The following EML5 variants were observed in gnomAD, a reference collection of about 807,000 sequenced individuals.
The protein encoded by EML5 is echinoderm microtubule-associated protein-like 5.
Under a neutral mutation model 250.0 loss-of-function variants are expected in EML5, and 120 were observed. That is an observed-to-expected ratio of 0.48 (90% confidence interval 0.41 to 0.56). The LOEUF (loss-of-function observed/expected upper bound fraction) is 0.56, where lower values mean the gene tolerates loss of function less well. EML5 is among the 20% of genes least tolerant of loss of function. EML5 has a pLI of 0.00. For synonymous variants in EML5, 771 were observed against 806.5 expected, an observed-to-expected ratio of 0.96 and a Z score of 0.75; for missense variants, 2,006 against 2,437.6, an observed-to-expected ratio of 0.82 and a Z score of 3.73.
At chr14:88,653,336 A>T (rs566966522) in intron 27 of EML5, among the ~76,000 whole-genome samples, 1 of 152,326 alleles carries the variant, frequency 6.6e-6, no homozygotes, top group South Asian at 2.1e-4. Context: ...CAATATGTTG[A>T]ATCAAAGTAG....
chr14:88,645,946 T>A (rs1050608252), intron 29 of EML5, among the ~76,000 whole-genome samples: 8 of 152,292 alleles, frequency 5.3e-5, no homozygotes, highest in Admixed American at 1.3e-4. Flanking sequence ...TAGAAGCTCT[T>A]CTCTAGAACC....
intron 1 of EML5, among the ~76,000 whole-genome samples, chr14:88,755,093 C>T: frequency 6.6e-6 from 1 of 152,218 alleles, no homozygotes; most frequent in Non-Finnish European, 1.5e-5. Flanking sequence ...TGTGAGCCAC[C>T]ACGCCCAGCA....
chr14:88,759,007 AT>A (rs2094200766), intron 1 of EML5, among the ~76,000 whole-genome samples: 1 of 152,196 alleles, frequency 6.6e-6, no homozygotes, highest in Non-Finnish European at 1.5e-5. Flanking sequence ...GGAGAGGAGA[AT>A]GGATAAGGAC....
At position 88,792,199 on chromosome 14, in the gene EML5, C is replaced by T. The variant is rs2094616831; in HGVS notation, c.197+108G>A. The T allele has an allele frequency of 4.5e-6, 6 of 1,339,312 alleles. No individual in the cohort carries two copies. Among genetic ancestry groups the T allele is most frequent in the East Asian group, 5.5e-5 (2 of 36,618 alleles). 83.0% of individuals were successfully genotyped at this position (1,339,312 alleles called of 1,614,324 possible). On this transcript the variant is annotated intron_variant, in intron 1 of 43. Coordinates refer to ENST00000554922, the MANE Select transcript of EML5 (RefSeq NM_183387.3). The surrounding 1 kb of genome is among the most constrained non-coding windows in gnomAD (Gnocchi z 6.9). Reference sequence around the variant, plus strand: ...CAGAGAGACAGCTGCGGATTCCCCTCGGGGTGATGCTCCGTGCAGGAGCGG... The same window carrying T: ...CAGAGAGACAGCTGCGGATTCCCCTTGGGGTGATGCTCCGTGCAGGAGCGG...
At position 88,625,100 on chromosome 14, in the gene EML5, T is replaced by G. The variant is rs2089716910; in HGVS notation, c.4768A>C (p.Ser1590Arg). The G allele has an allele frequency of 6.2e-7, 1 of 1,613,802 alleles. No individual in the cohort carries two copies. The highest frequency in any genetic ancestry group is 1.1e-5 in the South Asian group (1 of 90,998). Residue 1590 changes from serine to arginine, a missense_variant, in exon 36 of 44, where the codon AGT becomes CGT. Around this residue, in one of 7 missense-constraint regions of EML5, gnomAD observed 405 missense variants for 523.3 expected, o/e 0.77. Transcript: ENST00000554922. The stretch of plus-strand genomic sequence containing the variant: ...TCTTTCCACACACAGACATCACCAC[T>G]GATGGTACCTGTAAACGTCAAGTTA... ...ANNLTFTGTISGDVCVWKDHI... is the reference protein window; with the variant it reads ...ANNLTFTGTIRGDVCVWKDHI...
chr14:88,697,106 TA>T (rs1284992836), intron 14 of EML5, among the ~76,000 whole-genome samples, 154 bp from the exon 15 acceptor site: 1 of 152,254 alleles, frequency 6.6e-6, no homozygotes, highest in Non-Finnish European at 1.5e-5. Context: ...AAGTGACTGA[TA>T]TTTTTTTCTT....
chr14:88,626,622 A>G, intron 35 of EML5: 1 of 578,192 alleles, frequency 1.7e-6, no homozygotes, highest in Non-Finnish European at 3.0e-6. Context: ...GTGTCAAAAA[A>G]AAAAAAAAAT....
At chr14:88,753,140 G>A (rs1462586617) in intron 2 of EML5, among the ~76,000 whole-genome samples, 2 of 152,160 alleles carry the variant, frequency 1.3e-5, no homozygotes, top group Admixed American at 1.3e-4. Context: ...TGGGGCTCCA[G>A]AGGTTGTGGG....
chr14:88,638,774 TTTAAA>T (rs750999757), intron 32 of EML5, 30 bp downstream of exon 32: 24 of 1,484,558 alleles, frequency 1.6e-5, no homozygotes, highest in Non-Finnish European at 1.9e-5. Context: ...AAGCAAATGC[TTTAAA>T]TTGTTTCTTT....
At chr14:88,788,305 A>C (rs2094571363) in intron 1 of EML5, among the ~76,000 whole-genome samples, 1 of 152,208 alleles carries the variant, frequency 6.6e-6, no homozygotes. Flanking sequence ...AACCACTTTT[A>C]CTAAACTACA....
intron 29 of EML5, among the ~76,000 whole-genome samples, chr14:88,645,346 G>A (rs1305320876): frequency 6.6e-6 from 1 of 152,152 alleles, no homozygotes; most frequent in Non-Finnish European, 1.5e-5. Flanking sequence ...TTTCTTTGGT[G>A]TACGTGTCAT....
At chr14:88,714,775 A>G (rs902638639) in intron 9 of EML5, among the ~76,000 whole-genome samples, 164 bp downstream of exon 9, 9 of 152,218 alleles carry the variant, frequency 5.9e-5, no homozygotes, top group African/African-American at 2.2e-4. Context: ...TGTAGAATAC[A>G]ATAATATATT....
intron 34 of EML5, chr14:88,627,312 A>G: frequency 2.0e-6 from 1 of 495,240 alleles, no homozygotes; most frequent in Non-Finnish European, 3.6e-6. Flanking sequence ...CTGATCTGCC[A>G]TTATCATTAG....
At chr14:88,723,820 G>GT in intron 8 of EML5, among the ~76,000 whole-genome samples, 1 of 152,148 alleles carries the variant, frequency 6.6e-6, no homozygotes, top group South Asian at 2.1e-4. Flanking sequence ...ATTGTTAACA[G>GT]TTTTTATTAT....
chr14:88,788,898 GAA>G (rs10708422), intron 1 of EML5, among the ~76,000 whole-genome samples: 2,797 of 136,494 alleles, frequency 0.02, 83 homozygotes, highest in African/African-American at 0.067. Flanking sequence ...CATCTTTACC[GAA>G]AAAAAAAAAA....
intron 33 of EML5, 108 bp from the exon 34 acceptor site, chr14:88,627,927 A>G (rs2090133950): frequency 9.5e-7 from 1 of 1,050,736 alleles, no homozygotes; most frequent in African/African-American, 1.6e-5. Context: ...TGTACCAAAC[A>G]AAAACTGTAC....
chr14:88,660,440 T>C (rs547071034), intron 25 of EML5, among the ~76,000 whole-genome samples: 1 of 152,004 alleles, frequency 6.6e-6, no homozygotes, highest in African/African-American at 2.4e-5. Context: ...CATAGGTACG[T>C]AGAATGCCAA....
chr14:88,726,517 T>C (rs2093669330), intron 8 of EML5, 24 bp downstream of exon 8: 4 of 1,568,782 alleles, frequency 2.5e-6, no homozygotes, highest in Non-Finnish European at 3.5e-6. Context: ...AAAATTATTA[T>C]GTGTTTCTAC....
intron 7 of EML5, among the ~76,000 whole-genome samples, chr14:88,729,173 T>A (rs1046561214): frequency 2.0e-5 from 3 of 152,116 alleles, no homozygotes; most frequent in Non-Finnish European, 4.4e-5. Context: ...TATATACACA[T>A]ACATATATAT....
Sources: allele counts gnomAD v4.1 joint callset (sites outside exome capture counted in the v4.1 genomes callset), GRCh38; gene constraint gnomAD v4.1.1; regional missense constraint gnomAD v4.1.1; non-coding constraint Gnocchi (gnomAD v3.1); transcripts MANE v1.5; gene names NCBI Gene and HGNC (gene_info 2026-07-23, HGNC 2026-07-21).